Variants in TFEB observed in about 807,000 individuals in gnomAD.
The protein encoded by TFEB is transcription factor EB.
Under a neutral mutation model 48.0 loss-of-function variants are expected in TFEB, and 12 were observed. The ratio of observed to expected loss-of-function variants is 0.25; its 90% CI spans 0.16 to 0.40. The LOEUF (loss-of-function observed/expected upper bound fraction) is 0.40. Ranked by LOEUF, TFEB falls within the 10% of genes least tolerant of loss-of-function variation. TFEB has a pLI of 1.00. For synonymous variants in TFEB, 244 were observed against 261.4 expected (o/e 0.93, Z 0.64); for missense variants, 509 against 640.3 (o/e 0.79, Z 2.21).
chr6:41,720,215 A>G lies in TFEB; in HGVS notation c.-23+15135T>C, dbSNP rs555030361. ...TAAGCTGGGACTCCTGGGGTACTCA[A>G]TGAAGAGTGGAGCTTTAGAGGTTGG... On this transcript the variant is annotated intron_variant, in intron 1 of 8. Coordinates refer to ENST00000373033, the MANE Select transcript of TFEB (RefSeq NM_001271944.2). The surrounding 1 kb of genome is among the most constrained non-coding windows in gnomAD (Gnocchi z 4.1). Among the ~76,000 whole-genome samples the G allele has an allele frequency of 2.6e-5, 4 of 152,240 alleles. No individual in the cohort carries two copies. Among genetic ancestry groups the G allele is most frequent in the African/African-American group, 9.6e-5 (4 of 41,546 alleles).
At chr6:41,701,651 A>C (rs1769930358) in intron 1 of TFEB, among the ~76,000 whole-genome samples, 1 of 152,202 alleles carries the variant, frequency 6.6e-6, no homozygotes, top group Non-Finnish European at 1.5e-5. Flanking sequence ...CGAGACTCAG[A>C]AAGGTTAAGT....
chr6:41,729,453 G>A (rs1447617080), intron 1 of TFEB, among the ~76,000 whole-genome samples: 1 of 152,246 alleles, frequency 6.6e-6, no homozygotes, highest in Non-Finnish European at 1.5e-5. Context: ...GGGTGGGAAA[G>A]TGAAATAACA....
Position 41,684,489 on chromosome 6 carries a change from G to T in TFEB, c.*110C>A. ...GGGCCAACGGGGAGGAGGGAGGCAG[G>T]GCAGGTGGCTACTTCACACACAGTG... On this transcript the variant is annotated 3_prime_UTR_variant, in exon 9 of 9. Coordinates refer to ENST00000373033, the MANE Select transcript of TFEB (RefSeq NM_001271944.2). 1 of 1,324,204 alleles carries T rather than the reference G, an allele frequency of 7.6e-7. No homozygotes were observed. The highest frequency in any genetic ancestry group is 9.9e-7 in the Non-Finnish European group (1 of 1,013,970). 82.0% of individuals were successfully genotyped at this position (1,324,204 alleles called of 1,614,324 possible).
chr6:41,722,431 C>CT (rs1771021202), intron 1 of TFEB, among the ~76,000 whole-genome samples: 1 of 152,244 alleles, frequency 6.6e-6, no homozygotes, highest in Admixed American at 6.5e-5. Context: ...CTCCATCCTC[C>CT]TCCTCTCCCA....
chr6:41,684,612 CCCT>C lies in TFEB; in HGVS notation c.1415_1417del (p.Glu472del), dbSNP rs1438639540. ...GGGCAGCCAGGGTCACAGCACATCGCCCTCCTCCATGCTGAAGCTGCTCCGGCG... is the reference window on the plus strand; with the variant it reads ...GGGCAGCCAGGGTCACAGCACATCGCCCTCCATGCTGAAGCTGCTCCGGCG... On this transcript the variant is annotated inframe_deletion, in exon 9 of 9. Transcript: ENST00000373033. 8 of 1,588,624 alleles carry C rather than the reference CCCT, an allele frequency of 5.0e-6. No homozygotes were observed. The Admixed American group carries it at 1.4e-4, about 28-fold the overall frequency.
At chr6:41,703,025 AGGCACC>A (rs969907647) in intron 1 of TFEB, among the ~76,000 whole-genome samples, 2 of 152,214 alleles carry the variant, frequency 1.3e-5, no homozygotes, top group Non-Finnish European at 2.9e-5. Context: ...GGGAAGGGCC[AGGCACC>A]GGTTTCACTG....
At position 41,720,178 on chromosome 6, in the gene TFEB, A is replaced by C. The variant is rs1770917479; in HGVS notation, c.-23+15172T>G. Among the ~76,000 whole-genome samples the C allele has an allele frequency of 8.2e-6, 1 of 121,304 alleles. No individual in the cohort carries two copies. Among genetic ancestry groups the C allele is most frequent in the African/African-American group, 2.6e-5 (1 of 38,236 alleles). The allele number at this position is 121,304 out of a possible 152,430, so 79.6% of individuals were successfully genotyped here. A position where few individuals can be genotyped will look rare whatever the true frequency, so the allele number is the denominator to read the frequency against. ...CTAGGTTACTGCCTCTCCACCTGCC[A>C]CCACAGCCCCTTAAGCTGGGACTCC... is the stretch of plus-strand genomic sequence containing the variant. On this transcript the variant is annotated intron_variant, in intron 1 of 8. Transcript: ENST00000373033. This position sits in a 1 kb window ranked among gnomAD's most constrained non-coding sequence, Gnocchi z 4.1.
chr6:41,729,098 C>T (rs772919907), intron 1 of TFEB, among the ~76,000 whole-genome samples: 4 of 152,068 alleles, frequency 2.6e-5, no homozygotes, highest in South Asian at 2.1e-4. Flanking sequence ...CTCCCGGCCC[C>T]GCCTCGCCTC....
At chr6:41,714,177 G>A (rs1047885245) in intron 1 of TFEB, among the ~76,000 whole-genome samples, 3 of 98,922 alleles carry the variant, frequency 3.0e-5, no homozygotes, top group African/African-American at 1.7e-4. Flanking sequence ...ATGTGTGCGT[G>A]TGTGTGCATG....
At chr6:41,697,408 CAAAAA>C (rs56059829) in intron 1 of TFEB, among the ~76,000 whole-genome samples, 7 of 63,520 alleles carry the variant, frequency 1.1e-4, no homozygotes, top group East Asian at 5.1e-4. Context: ...AACTCCATCT[CAAAAA>C]AAAAAAAAAA....
At chr6:41,700,485 G>A (rs796955578) in intron 1 of TFEB, among the ~76,000 whole-genome samples, 8 of 142,210 alleles carry the variant, frequency 5.6e-5, no homozygotes, top group African/African-American at 1.9e-4. Flanking sequence ...AAAAAAAAAA[G>A]ATCAAGAAAC....
chr6:41,716,535 C>T (rs12209117), intron 1 of TFEB, among the ~76,000 whole-genome samples: 10 of 152,188 alleles, frequency 6.6e-5, no homozygotes, highest in East Asian at 1.9e-4. Flanking sequence ...GAGCAATCAA[C>T]GCACAAGCAT....
chr6:41,696,909 T>C (rs1488732070), intron 1 of TFEB, among the ~76,000 whole-genome samples: 1 of 152,150 alleles, frequency 6.6e-6, no homozygotes, highest in African/African-American at 2.4e-5. Flanking sequence ...ATGTTAGAAC[T>C]CAGGATCCTA....
Position 41,735,527 on chromosome 6 carries a change from G to T in TFEB, c.-200C>A, listed in dbSNP as rs1771645869. On this transcript the variant is annotated 5_prime_UTR_variant, in exon 1 of 9. Coordinates refer to ENST00000373033, the MANE Select transcript of TFEB (RefSeq NM_001271944.2). Reference sequence around the variant, plus strand: ...TCCCGCCGCCGTCGGCGCCGCGGCCGCTCCCTGCGTCCCGCCCGGGCCGCC... The same window carrying T: ...TCCCGCCGCCGTCGGCGCCGCGGCCTCTCCCTGCGTCCCGCCCGGGCCGCC... 1 of 984,636 alleles carries T rather than the reference G, an allele frequency of 1.0e-6. No homozygotes were observed. Among genetic ancestry groups the T allele is most frequent in the African/African-American group, 1.7e-5 (1 of 57,156 alleles). The allele number at this position is 984,636 out of a possible 1,614,324, so 61.0% of individuals were successfully genotyped here.
chr6:41,700,718 G>A (rs987422005), intron 1 of TFEB, among the ~76,000 whole-genome samples: 1 of 152,178 alleles, frequency 6.6e-6, no homozygotes, highest in Non-Finnish European at 1.5e-5. Flanking sequence ...GGGAAAGGAA[G>A]GAGAGGAGAG....
At chr6:41,702,333 CG>C (rs1262301339) in intron 1 of TFEB, among the ~76,000 whole-genome samples, 1 of 152,114 alleles carries the variant, frequency 6.6e-6, no homozygotes, top group Non-Finnish European at 1.5e-5. Context: ...GAGCCTGGGT[CG>C]GAGGGGGCGG....
At chr6:41,698,185 GGAAACACA>G (rs1769709937) in intron 1 of TFEB, among the ~76,000 whole-genome samples, 1 of 152,176 alleles carries the variant, frequency 6.6e-6, no homozygotes, top group African/African-American at 2.4e-5. Flanking sequence ...CAAGGAATGA[GGAAACACA>G]GGCCCAGAGA....
intron 1 of TFEB, among the ~76,000 whole-genome samples, chr6:41,702,964 G>C (rs1770012537): frequency 6.6e-6 from 1 of 152,222 alleles, no homozygotes; most frequent in Non-Finnish European, 1.5e-5. Context: ...GGTTCTGGCA[G>C]CATGGATGTG....
chr6:41,728,255 G>A (rs1245411153), intron 1 of TFEB, among the ~76,000 whole-genome samples: 1 of 152,186 alleles, frequency 6.6e-6, no homozygotes, highest in African/African-American at 2.4e-5. Context: ...TGCTTGGCCA[G>A]CCCAGTGCCA....
Sources: gnomAD v4.1 joint callset for allele counts (sites outside exome capture counted in the v4.1 genomes callset) on GRCh38, gnomAD v4.1.1 for gene constraint, Gnocchi (gnomAD v3.1) non-coding constraint, MANE v1.5 for transcripts, NCBI Gene and HGNC (gene_info 2026-07-23, HGNC 2026-07-21) for gene names.